Variants in ZNF853 observed in about 807,000 individuals in gnomAD.
ZNF853 encodes zinc finger protein 853.
ZNF853 carries 57 observed loss-of-function variants against 94.7 expected under a neutral mutation model. The observed-to-expected ratio is 0.60, with a 90% CI of 0.49 to 0.75. The LOEUF (loss-of-function observed/expected upper bound fraction) is 0.75. Among genes scored for constraint, ZNF853 ranks in the 30% least tolerant of loss-of-function variants. The probability of loss-of-function intolerance (pLI) is 0.00; values close to 1 mark genes in which losing one functional copy is unlikely to be tolerated. For synonymous variants in ZNF853, 448 were observed against 406.3 expected, an observed-to-expected ratio of 1.10 and a Z score of -1.23; for missense variants, 785 against 868.9, an observed-to-expected ratio of 0.90 and a Z score of 1.21.
chr7:6,618,232 G>A, intron 2 of ZNF853, among the ~76,000 whole-genome samples: 47 of 152,248 alleles, frequency 3.1e-4, no homozygotes, highest in Non-Finnish European at 5.9e-4. Context: ...AGGAGGCAGA[G>A]GTTGCAGTGA....
intron 2 of ZNF853, among the ~76,000 whole-genome samples, chr7:6,617,919 T>G: frequency 6.6e-6 from 1 of 151,886 alleles, no homozygotes; most frequent in Non-Finnish European, 1.5e-5. Flanking sequence ...TTAAGGGTGC[T>G]GAGTGAGGGC....
In ZNF853 at chr7:6,622,462, G is replaced by A. The variant is rs1364256266; in HGVS notation, c.1471G>A (p.Gly491Ser). 2.0e-6 allele frequency: 3 copies of A among 1,524,476 alleles called. No homozygotes were observed. Among genetic ancestry groups the A allele is most frequent in the South Asian group, 2.4e-5 (2 of 82,542 alleles). 94.4% of individuals were successfully genotyped at this position (1,524,476 alleles called of 1,614,324 possible). A position where few individuals can be genotyped will look rare whatever the true frequency, so the allele number is the denominator to read the frequency against. Residue 491 changes from glycine (G) to serine (S), a missense_variant, in exon 3 of 3, where the codon GGC becomes AGC. Gly to Ser is a moderately conservative substitution (Grantham distance 56). Transcript: ENST00000457543. Reference protein sequence around the residue: ...RDRPTICGECGKGFSRSTDLV... With the variant: ...RDRPTICGECSKGFSRSTDLV... ...CCGGCCGACCATCTGCGGGGAGTGC[G>A]GCAAGGGCTTCAGCCGCAGCACGGA...
intron 1 of ZNF853, 34 bp from the exon 2 acceptor site, chr7:6,617,156 G>T: frequency 6.6e-7 from 1 of 1,518,982 alleles, no homozygotes; most frequent in East Asian, 2.5e-5. Context: ...AAGCACTCCA[G>T]CCTGGCTAAA....
chr7:6,619,692 T>C, intron 2 of ZNF853, among the ~76,000 whole-genome samples: 1 of 152,206 alleles, frequency 6.6e-6, no homozygotes, highest in Non-Finnish European at 1.5e-5. Context: ...GGAGAAGAGA[T>C]GTTGAAATCA....
chr7:6,617,103 G>C lies in ZNF853; in HGVS notation c.13-87G>C. 18 of 1,034,924 alleles carry C rather than the reference G, an allele frequency of 1.7e-5. No homozygotes were observed. The African/African-American group carries it at 2.6e-4, about 15-fold the overall frequency. The allele number at this position is 1,034,924 out of a possible 1,614,324, so 64.1% of individuals were successfully genotyped here. On this transcript the variant is annotated intron_variant, in intron 1 of 2. Coordinates refer to ENST00000457543, the MANE Select transcript of ZNF853 (RefSeq NM_017560.3). The stretch of plus-strand genomic sequence containing the variant: ...ACCGCTCTGGGTGGCCCGAGGCAGA[G>C]GTGGAGGGCCTTTGGGGGCCTGTGG...
At position 6,622,368 on chromosome 7, in the gene ZNF853, C is replaced by T. The variant is rs1276692013; in HGVS notation, c.1377C>T (p.Ala459=). The part of the protein sequence containing the change: ...LPAVAAPAVV[A]IPGPAGSAAL... ...CCGTGGCAGCGCCGGCCGTGGTGGCCATCCCGGGCCCGGCAGGCAGCGCGG... is the reference window on the plus strand; with the variant it reads ...CCGTGGCAGCGCCGGCCGTGGTGGCTATCCCGGGCCCGGCAGGCAGCGCGG... The change falls in exon 3 of 3, where the codon GCC becomes GCT. Residue 459 remains alanine (A), a synonymous_variant. Coordinates refer to ENST00000457543, the MANE Select transcript of ZNF853 (RefSeq NM_017560.3). 3.5e-6 allele frequency: 5 copies of T among 1,415,342 alleles called. No individual in the cohort carries two copies. Among genetic ancestry groups the T allele is most frequent in the Non-Finnish European group, 3.7e-6 (4 of 1,092,030 alleles). 87.7% of individuals were successfully genotyped at this position (1,415,342 alleles called of 1,614,324 possible). A position where few individuals can be genotyped will look rare whatever the true frequency, so the allele number is the denominator to read the frequency against.
At position 6,621,462 on chromosome 7, in the gene ZNF853, A is replaced by C; in HGVS notation, c.471A>C (p.Gln157His). Residue 157 changes from glutamine (Q) to histidine (H), a missense_variant, in exon 3 of 3, where the codon CAA becomes CAC. Gln to His is a conservative substitution (Grantham distance 24). Coordinates refer to ENST00000457543, the MANE Select transcript of ZNF853 (RefSeq NM_017560.3). ...KPELQLMHQQ[Q>H]QLQPQQVQEQ... ...AACTGCAGCTAATGCACCAGCAGCAACAGTTACAGCCACAGCAAGTGCAAG... is the reference window on the plus strand; with the variant it reads ...AACTGCAGCTAATGCACCAGCAGCACCAGTTACAGCCACAGCAAGTGCAAG... The C allele has an allele frequency of 3.2e-6, 5 of 1,551,792 alleles. No individual in the cohort carries two copies. The highest frequency in any genetic ancestry group is 4.4e-6 in the Non-Finnish European group (5 of 1,147,002).
chr7:6,622,189 G>A lies in ZNF853; in HGVS notation c.1198G>A (p.Val400Met), dbSNP rs1782635968. The A allele has an allele frequency of 3.2e-6, 5 of 1,540,152 alleles. No individual in the cohort carries two copies. The highest frequency in any genetic ancestry group is 2.4e-5 in the East Asian group (1 of 40,902). The change falls in exon 3 of 3, where the codon GTG becomes ATG. Residue 400 changes from valine (V) to methionine (M), a missense_variant. Val to Met is a conservative substitution (Grantham distance 21). Transcript: ENST00000457543. ...PVELGAQQQE[V>M]QLELTPVQPE... Reference sequence around the variant, plus strand: ...GGAGCTAGGCGCCCAGCAGCAGGAGGTGCAGCTGGAGCTGACCCCCGTGCA... The same window carrying A: ...GGAGCTAGGCGCCCAGCAGCAGGAGATGCAGCTGGAGCTGACCCCCGTGCA...
At chr7:6,619,063 A>T in intron 2 of ZNF853, among the ~76,000 whole-genome samples, 1 of 119,438 alleles carries the variant, frequency 8.4e-6, no homozygotes, top group Non-Finnish European at 1.6e-5. Context: ...TTTTTGAGAC[A>T]GAGTCTCACT....
Position 6,621,943 on chromosome 7 carries a change from G to T in ZNF853, c.952G>T (p.Glu318Ter), listed in dbSNP as rs1417890900. The T allele has an allele frequency of 6.4e-7, 1 of 1,551,002 alleles. No individual in the cohort carries two copies. Among genetic ancestry groups the T allele is most frequent in the Non-Finnish European group, 8.7e-7 (1 of 1,146,986 alleles). ...TCCTCCCCTGGAGCCCGAGGAGGAG[G>T]AAGAGGTGGAGCTGGAGCTCATGCC... The part of the protein sequence containing the change: ...QPPPLEPEEE[E>*]EVELELMPVD... The change falls in exon 3 of 3, where the codon GAA becomes TAA. Residue 318 changes from glutamate (E) to a stop codon, truncating the protein, a stop_gained. Transcript: ENST00000457543. LOFTEE classifies it high-confidence loss of function.
chr7:6,619,032 A>AT lies in ZNF853; in HGVS notation c.130+1750dup. Reference sequence around the variant, plus strand: ...TATGCATACAGATCTCCCTTGGTGGATTTTTTTTTTTTTTTTTTTTTTTTT... The same window carrying AT: ...TATGCATACAGATCTCCCTTGGTGGATTTTTTTTTTTTTTTTTTTTTTTTTT... On this transcript the variant is annotated intron_variant, in intron 2 of 2. Coordinates refer to ENST00000457543, the MANE Select transcript of ZNF853 (RefSeq NM_017560.3). Among the ~76,000 whole-genome samples, 499 of 86,784 alleles carry AT rather than the reference A, an allele frequency of 5.7e-3. 13 individuals carry two copies. Among genetic ancestry groups the AT allele is most frequent in the African/African-American group, 0.018 (385 of 21,118 alleles). 56.9% of individuals were successfully genotyped at this position (86,784 alleles called of 152,430 possible).
Position 6,616,060 on chromosome 7 carries a change from TG to T in ZNF853, c.-113del. ...GCCCCCGGGGTGGCCCTGCGCCTCC[TG>T]GCTCTTTCTGGATGGAGGCGCCTCC... On this transcript the variant is annotated 5_prime_UTR_variant, in exon 1 of 3. Transcript: ENST00000457543. 1 of 1,067,444 alleles carries T rather than the reference TG, an allele frequency of 9.4e-7. No individual in the cohort carries two copies. Among genetic ancestry groups the T allele is most frequent in the Non-Finnish European group, 1.4e-6 (1 of 737,062 alleles). The allele number at this position is 1,067,444 out of a possible 1,614,324, so 66.1% of individuals were successfully genotyped here.
chr7:6,620,834 G>A, intron 2 of ZNF853, among the ~76,000 whole-genome samples: 2 of 152,138 alleles, frequency 1.3e-5, no homozygotes, highest in Non-Finnish European at 2.9e-5. Context: ...GGCTGGTTTC[G>A]AACTCCTGAG....
chr7:6,617,717 C>A, intron 2 of ZNF853: 1 of 887,552 alleles, frequency 1.1e-6, no homozygotes, highest in Non-Finnish European at 1.4e-6. Flanking sequence ...GGCTCCCTGG[C>A]TTCTTCTCCC....
Position 6,623,124 on chromosome 7 carries a change from T to C in ZNF853, c.*153T>C. 1 of 582,548 alleles carries C rather than the reference T, an allele frequency of 1.7e-6. No individual in the cohort carries two copies. The highest frequency in any genetic ancestry group is 2.5e-6 in the Non-Finnish European group (1 of 392,584). 36.1% of individuals were successfully genotyped at this position (582,548 alleles called of 1,614,324 possible). On this transcript the variant is annotated 3_prime_UTR_variant, in exon 3 of 3. Transcript: ENST00000457543. ...ATCATCATCATCATCATCTTCCGGA[T>C]TCCCTGAGAAAATACCAGGTTCACA...
chr7:6,622,180 C>T lies in ZNF853; in HGVS notation c.1189C>T (p.Gln397Ter). 3 of 1,540,862 alleles carry T rather than the reference C, an allele frequency of 1.9e-6. No homozygotes were observed. Among genetic ancestry groups the T allele is most frequent in the Non-Finnish European group, 2.6e-6 (3 of 1,146,558 alleles). The change falls in exon 3 of 3, where the codon CAG becomes TAG. Residue 397 changes from glutamine to a stop codon, truncating the protein, a stop_gained. Coordinates refer to ENST00000457543, the MANE Select transcript of ZNF853 (RefSeq NM_017560.3). LOFTEE classifies it high-confidence loss of function. The part of the protein sequence containing the change: ...ELTPVELGAQ[Q>*]QEVQLELTPV... The stretch of plus-strand genomic sequence containing the variant: ...GACCCCGGTGGAGCTAGGCGCCCAG[C>T]AGCAGGAGGTGCAGCTGGAGCTGAC...
intron 2 of ZNF853, among the ~76,000 whole-genome samples, chr7:6,620,856 T>C: frequency 6.6e-6 from 1 of 152,342 alleles, no homozygotes; most frequent in African/African-American, 2.4e-5. Context: ...TCTGGCAATC[T>C]GCCCACCTCG....
intron 2 of ZNF853, among the ~76,000 whole-genome samples, chr7:6,617,870 G>A: frequency 6.6e-6 from 1 of 152,090 alleles, no homozygotes; most frequent in Admixed American, 6.6e-5. Context: ...AACCTTCTCT[G>A]GTGGCCACAC....
At position 6,622,893 on chromosome 7, in the gene ZNF853, G is replaced by C; in HGVS notation, c.1902G>C (p.Ser634=). ...RSRGLGLLRA[S]RPAALGGPAR... ...GGGGCCTCGGCCTGCTGCGCGCCTC[G>C]CGGCCGGCGGCCCTCGGTGGCCCAG... The change falls in exon 3 of 3, where the codon TCG becomes TCC. Residue 634 remains serine, a synonymous_variant. Coordinates refer to ENST00000457543, the MANE Select transcript of ZNF853 (RefSeq NM_017560.3). 4 of 1,255,360 alleles carry C rather than the reference G, an allele frequency of 3.2e-6. No individual in the cohort carries two copies. Among genetic ancestry groups the C allele is most frequent in the African/African-American group, 1.6e-5 (1 of 63,230 alleles). 77.8% of individuals were successfully genotyped at this position (1,255,360 alleles called of 1,614,324 possible). A position where few individuals can be genotyped will look rare whatever the true frequency, so the allele number is the denominator to read the frequency against.
Sources: gnomAD v4.1 joint callset for allele counts (sites outside exome capture counted in the v4.1 genomes callset) on GRCh38, gnomAD v4.1.1 for gene constraint, MANE v1.5 for transcripts, NCBI Gene and HGNC (gene_info 2026-07-23, HGNC 2026-07-21) for gene names.